Variants in RGS12 observed in about 807,000 individuals in gnomAD.
RGS12 encodes regulator of G protein signaling 12.
RGS12 carries 66 observed loss-of-function variants against 120.1 expected under a neutral mutation model. The observed-to-expected ratio is 0.55, with a 90% confidence interval of 0.45 to 0.67. RGS12 has a LOEUF of 0.67. Among genes scored for constraint, RGS12 ranks in the 30% least tolerant of loss-of-function variants. The pLI, the probability that RGS12 is intolerant of heterozygous loss-of-function variation, is 0.00. For missense variants in RGS12, 1,859 were observed against 1,957.7 expected (o/e 0.95, Z 0.95); for synonymous variants, 827 against 804.7 (o/e 1.03, Z -0.47).
rs1391940351 is a variant in RGS12 at position 3,389,032 on chromosome 4, C to T, written c.2020+2595C>T. Among the ~76,000 whole-genome samples, 1 of 152,156 alleles carries T rather than the reference C, an allele frequency of 6.6e-6. No individual in the cohort carries two copies. The highest frequency in any genetic ancestry group is 1.9e-4 in the East Asian group (1 of 5,194). Reference sequence around the variant, plus strand: ...TCACTTAGAAATATTTTGTGTTCAACGAGCCGTGCCAGTGAGAGAGTTCGT... The same window carrying T: ...TCACTTAGAAATATTTTGTGTTCAATGAGCCGTGCCAGTGAGAGAGTTCGT... On this transcript the variant is annotated intron_variant, in intron 4 of 17. Transcript: ENST00000336727. The surrounding 1 kb of genome is among the most constrained non-coding windows in gnomAD (Gnocchi z 5.2).
At position 3,429,267 on chromosome 4, in the gene RGS12, C is replaced by G. The variant is rs147360058; in HGVS notation, c.3565+556C>G. On this transcript the variant is annotated intron_variant, in intron 16 of 17. Coordinates refer to ENST00000336727, the MANE Select transcript of RGS12 (RefSeq NM_001394154.1). ...ACTGAGATGGAGAGATGAGTCCTTT[C>G]TTGAAGCTCCTTTTTCTCCAGAAGT... Among the ~76,000 whole-genome samples, 6 of 152,348 alleles carry G rather than the reference C, an allele frequency of 3.9e-5. No homozygotes were observed. The East Asian group carries it at 9.6e-4, about 24-fold the overall frequency.
chr4:3,427,807 A>C (rs962447989), intron 14 of RGS12, among the ~76,000 whole-genome samples: 54 of 152,218 alleles, frequency 3.5e-4, no homozygotes, highest in African/African-American at 1.2e-3. Flanking sequence ...TTTCTAGAGA[A>C]TATTTATGCC....
chr4:3,357,258 C>T (rs113925823), intron 3 of RGS12, among the ~76,000 whole-genome samples: 4,889 of 152,100 alleles, frequency 0.032, 240 homozygotes, highest in African/African-American at 0.11. Flanking sequence ...ATAGAAGTTC[C>T]TCTGTATGTA....
At chr4:3,420,588 G>A in intron 9 of RGS12, 54 bp from the exon 10 acceptor site, 1 of 1,578,074 alleles carries the variant, frequency 6.3e-7, no homozygotes, top group East Asian at 2.2e-5. Flanking sequence ...TGGGAGATGT[G>A]ACCGAATAAA....
At chr4:3,368,112 C>G (rs968391170) in intron 3 of RGS12, among the ~76,000 whole-genome samples, 1 of 152,180 alleles carries the variant, frequency 6.6e-6, no homozygotes, top group Admixed American at 6.5e-5. Context: ...GTGGCTGTTC[C>G]CAGGGTCTGG....
At chr4:3,397,416 G>A (rs887191882) in intron 4 of RGS12, among the ~76,000 whole-genome samples, 1 of 152,230 alleles carries the variant, frequency 6.6e-6, no homozygotes, top group Non-Finnish European at 1.5e-5. Context: ...ATGAGTTTGG[G>A]AAGACAGGAA....
At chr4:3,347,897 A>G (rs555733512) in intron 3 of RGS12, among the ~76,000 whole-genome samples, 2 of 152,350 alleles carry the variant, frequency 1.3e-5, no homozygotes, top group Non-Finnish European at 2.9e-5. Context: ...TGAGAGTTTT[A>G]TACAATTTTG....
chr4:3,299,647 A>C (rs1031288312), intron 1 of RGS12, among the ~76,000 whole-genome samples: 5 of 152,198 alleles, frequency 3.3e-5, no homozygotes, highest in African/African-American at 2.4e-5. Flanking sequence ...AGAGCGTTCA[A>C]GTGATCAGGG....
intron 3 of RGS12, among the ~76,000 whole-genome samples, chr4:3,352,360 A>G (rs1407993213): frequency 6.6e-6 from 1 of 152,176 alleles, no homozygotes; most frequent in Non-Finnish European, 1.5e-5. Context: ...AGAGAGCTCA[A>G]AGGGCTCAGT....
intron 15 of RGS12, 72 bp from the exon 16 acceptor site, chr4:3,428,486 T>C (rs1325932443): frequency 3.8e-6 from 5 of 1,306,328 alleles, no homozygotes; most frequent in Non-Finnish European, 1.1e-6. Flanking sequence ...AGCCTTCTAC[T>C]CTCTAACTAA....
chr4:3,417,209 T>G (rs898208170), intron 8 of RGS12, 117 bp downstream of exon 8: 1 of 1,338,324 alleles, frequency 7.5e-7, no homozygotes, highest in African/African-American at 1.5e-5. Flanking sequence ...TGGGTGACGC[T>G]CCATGCTGGA....
chr4:3,397,526 G>C (rs977088479), intron 4 of RGS12, among the ~76,000 whole-genome samples: 1 of 152,220 alleles, frequency 6.6e-6, no homozygotes, highest in South Asian at 2.1e-4. Flanking sequence ...GTGGAACGAC[G>C]TGAGAGGGGT....
At chr4:3,343,398 AGT>A (rs1286165573) in intron 3 of RGS12, among the ~76,000 whole-genome samples, 1 of 152,204 alleles carries the variant, frequency 6.6e-6, no homozygotes, top group East Asian at 1.9e-4. Context: ...GACATGGGTA[AGT>A]GTCATTTTGT....
At chr4:3,349,105 A>G (rs952838216) in intron 3 of RGS12, among the ~76,000 whole-genome samples, 1 of 152,260 alleles carries the variant, frequency 6.6e-6, no homozygotes, top group Admixed American at 6.5e-5. Flanking sequence ...CTGTTGTTCT[A>G]ACATAAGCGA....
intron 3 of RGS12, among the ~76,000 whole-genome samples, chr4:3,353,862 C>T (rs559643114): frequency 6.6e-6 from 1 of 152,132 alleles, no homozygotes; most frequent in South Asian, 2.1e-4. Flanking sequence ...AGATAGTGTC[C>T]ATTCATACCC....
At chr4:3,393,331 C>T (rs1453534065) in intron 4 of RGS12, among the ~76,000 whole-genome samples, 1 of 152,186 alleles carries the variant, frequency 6.6e-6, no homozygotes, top group Non-Finnish European at 1.5e-5. Context: ...TTGCCTGCCT[C>T]GTGGGGTCTC....
intron 3 of RGS12, chr4:3,370,116 C>T: frequency 7.2e-7 from 1 of 1,396,872 alleles, no homozygotes; most frequent in South Asian, 2.0e-5. Context: ...TGGCAAGCCA[C>T]AGCTTCCTGC....
At position 3,377,405 on chromosome 4, in the gene RGS12, C is replaced by T. The variant is rs189868199; in HGVS notation, c.1999-9011C>T. On this transcript the variant is annotated intron_variant, in intron 3 of 17. Transcript: ENST00000336727. ...ATTCTTAATTCATTTATTTATATTTCTTCTCTTTGTATTGAAAACATTTAG... is the reference window on the plus strand; with the variant it reads ...ATTCTTAATTCATTTATTTATATTTTTTCTCTTTGTATTGAAAACATTTAG... Among the ~76,000 whole-genome samples, 398 of 152,214 alleles carry T rather than the reference C, an allele frequency of 2.6e-3. 1 individual carries two copies. Among genetic ancestry groups the T allele is most frequent in the Non-Finnish European group, 4.7e-3 (317 of 68,002 alleles).
At chr4:3,309,564 G>T in intron 1 of RGS12, among the ~76,000 whole-genome samples, 1 of 138,238 alleles carries the variant, frequency 7.2e-6, no homozygotes, top group Admixed American at 7.2e-5. Context: ...CCTGGGAATG[G>T]CAGGTGTCTG....
Sources: allele counts gnomAD v4.1 joint callset (sites outside exome capture counted in the v4.1 genomes callset), GRCh38; gene constraint gnomAD v4.1.1; non-coding constraint Gnocchi (gnomAD v3.1); transcripts MANE v1.5; gene names NCBI Gene and HGNC (gene_info 2026-07-23, HGNC 2026-07-21).